PTPRM: variants seen among roughly 807,000 people sequenced by gnomAD.
The protein encoded by PTPRM is protein tyrosine phosphatase receptor type M.
A neutral mutation model predicts 186.7 loss-of-function variants in PTPRM; 47 were observed. That is an observed-to-expected ratio of 0.25 (90% CI 0.20 to 0.32). The LOEUF (loss-of-function observed/expected upper bound fraction) is 0.32, where lower values mean the gene tolerates loss of function less well. Ranked by LOEUF, PTPRM falls within the 10% of genes least tolerant of loss-of-function variation. The pLI, the probability that PTPRM is intolerant of heterozygous loss-of-function variation, is 1.00. For synonymous variants in PTPRM, 668 were observed against 674.9 expected (o/e 0.99, Z 0.16); for missense variants, 1,494 against 1,865.0 (o/e 0.80, Z 3.66).
chr18:7,844,912 G>A (rs2046517470), intron 2 of PTPRM, among the ~76,000 whole-genome samples: 1 of 152,092 alleles, frequency 6.6e-6, no homozygotes, highest in Admixed American at 6.5e-5. Context: ...GGTTCATTTT[G>A]TTAGACAAAA....
intron 1 of PTPRM, among the ~76,000 whole-genome samples, chr18:7,607,946 C>T (rs1423757134): frequency 1.3e-5 from 2 of 152,222 alleles, no homozygotes; most frequent in Non-Finnish European, 2.9e-5. Flanking sequence ...CAGCTCCAGC[C>T]TTACCAGCTG....
chr18:7,594,194 TAAAAA>T (rs1567972841), intron 1 of PTPRM, among the ~76,000 whole-genome samples: 1 of 152,084 alleles, frequency 6.6e-6, no homozygotes. Flanking sequence ...AAGTGGGTCA[TAAAAA>T]GAAAAGAAAA....
intron 1 of PTPRM, among the ~76,000 whole-genome samples, chr18:7,630,391 A>G (rs953613278): frequency 9.9e-5 from 15 of 152,092 alleles, no homozygotes; most frequent in African/African-American, 3.1e-4. Flanking sequence ...CTTGGCCTGG[A>G]TGTCCCTGTG....
chr18:8,330,311 C>T (rs1393881769), intron 22 of PTPRM, among the ~76,000 whole-genome samples: 1 of 152,150 alleles, frequency 6.6e-6, no homozygotes, highest in Non-Finnish European at 1.5e-5. Flanking sequence ...TTTTTCTTGC[C>T]TTCTCACTCA....
At chr18:8,046,836 C>T (rs955447107) in intron 7 of PTPRM, among the ~76,000 whole-genome samples, 5 of 152,056 alleles carry the variant, frequency 3.3e-5, no homozygotes, top group Non-Finnish European at 5.9e-5. Context: ...GTCCTCCAGA[C>T]CCATCCATAC....
intron 4 of PTPRM, among the ~76,000 whole-genome samples, chr18:7,906,923 C>T (rs1037585671): frequency 1.1e-4 from 17 of 152,220 alleles, no homozygotes; most frequent in African/African-American, 3.6e-4. Flanking sequence ...AGAATCTGTG[C>T]GTTTTGTTTA....
chr18:7,816,061 T>C (rs2145549079), intron 2 of PTPRM, among the ~76,000 whole-genome samples: 1 of 152,294 alleles, frequency 6.6e-6, no homozygotes, highest in South Asian at 2.1e-4. Flanking sequence ...GTGCCTTAGG[T>C]CCCAGTTTAT....
At chr18:7,842,816 G>GTA (rs1297093820) in intron 2 of PTPRM, among the ~76,000 whole-genome samples, 3 of 121,728 alleles carry the variant, frequency 2.5e-5, no homozygotes, top group Non-Finnish European at 4.9e-5. Flanking sequence ...GTGTGTGTGT[G>GTA]TATATATATA....
At chr18:7,641,025 A>C (rs904314405) in intron 1 of PTPRM, among the ~76,000 whole-genome samples, 1 of 152,224 alleles carries the variant, frequency 6.6e-6, no homozygotes, top group Non-Finnish European at 1.5e-5. Context: ...TTTAAAAATG[A>C]TAATGGAAAT....
chr18:8,338,990 T>C (rs1449280476), intron 22 of PTPRM, among the ~76,000 whole-genome samples: 1 of 152,096 alleles, frequency 6.6e-6, no homozygotes, highest in Admixed American at 6.5e-5. Flanking sequence ...TACGTGGATA[T>C]ATTGCTTAGT....
chr18:7,631,933 A>G (rs2038201688), intron 1 of PTPRM, among the ~76,000 whole-genome samples: 1 of 152,246 alleles, frequency 6.6e-6, no homozygotes, highest in Admixed American at 6.5e-5. Context: ...TTGTCAATAT[A>G]TCCTGTGCTG....
intron 19 of PTPRM, among the ~76,000 whole-genome samples, chr18:8,295,543 C>G (rs1427063183): frequency 6.6e-6 from 1 of 152,172 alleles, no homozygotes; most frequent in African/African-American, 2.4e-5. Context: ...CTCTTTCCCT[C>G]TCTCTTCCTT....
chr18:8,161,763 C>G (rs1188701470), intron 14 of PTPRM, among the ~76,000 whole-genome samples: 1 of 152,146 alleles, frequency 6.6e-6, no homozygotes, highest in East Asian at 1.9e-4. Flanking sequence ...GGTCGTGCTA[C>G]CCCTTTACCC....
intron 14 of PTPRM, among the ~76,000 whole-genome samples, chr18:8,217,067 T>C (rs947796953): frequency 2.6e-5 from 4 of 152,266 alleles, no homozygotes; most frequent in African/African-American, 4.8e-5. Flanking sequence ...CATTTAATAC[T>C]GTGGCAAGGT....
At position 8,379,148 on chromosome 18, in the gene PTPRM, C is replaced by T. The variant is rs768457248; in HGVS notation, c.3613-19C>T. 1.9e-6 allele frequency: 3 copies of T among 1,563,076 alleles called. No homozygotes were observed. Among genetic ancestry groups the T allele is most frequent in the Non-Finnish European group, 2.6e-6 (3 of 1,152,286 alleles). On this transcript the variant is annotated intron_variant, in intron 27 of 32. Transcript: ENST00000580170. ...TGCCAAGGCTTCTTGTCCTCATGTT[C>T]CTTTCTTTTCTCACGCAGACGCTAA...
intron 14 of PTPRM, among the ~76,000 whole-genome samples, chr18:8,147,133 C>T (rs2092905283): frequency 6.6e-6 from 1 of 152,142 alleles, no homozygotes. Flanking sequence ...GCTATGTGGG[C>T]TCTTTTTTGG....
intron 1 of PTPRM, among the ~76,000 whole-genome samples, chr18:7,656,956 C>A (rs1007981412): frequency 1.3e-5 from 2 of 152,024 alleles, no homozygotes; most frequent in Non-Finnish European, 2.9e-5. Context: ...TGCTGTAAGG[C>A]CAAGGTGGAT....
intron 7 of PTPRM, among the ~76,000 whole-genome samples, chr18:8,008,691 G>C (rs886893831): frequency 6.6e-6 from 1 of 152,074 alleles, no homozygotes; most frequent in Non-Finnish European, 1.5e-5. Context: ...CTTTTTGGAG[G>C]CTTGCTTAAA....
chr18:7,734,459 A>G (rs2040725719), intron 1 of PTPRM, among the ~76,000 whole-genome samples: 1 of 152,246 alleles, frequency 6.6e-6, no homozygotes, highest in Admixed American at 6.5e-5. Flanking sequence ...TAATGTTATA[A>G]TTAAGTCCTT....
Sources: allele counts gnomAD v4.1 joint callset (sites outside exome capture counted in the v4.1 genomes callset), GRCh38; gene constraint gnomAD v4.1.1; transcripts MANE v1.5; gene names NCBI Gene and HGNC (gene_info 2026-07-23, HGNC 2026-07-21).